The following PCDH15 variants were observed in gnomAD, a reference collection of about 807,000 sequenced individuals.
The protein encoded by PCDH15 is protocadherin-15.
PCDH15 carries 129 observed loss-of-function variants against 178.5 expected under a neutral mutation model. That is an observed-to-expected ratio of 0.72 (90% CI 0.63 to 0.84). PCDH15 has a LOEUF of 0.84. Among genes scored for constraint, PCDH15 ranks in the 40% least tolerant of loss-of-function variants. The pLI is 0.00. For missense variants in PCDH15, 2,230 were observed against 2,099.9 expected, an observed-to-expected ratio of 1.06 and a Z score of -1.21; for synonymous variants, 800 against 732.0, an observed-to-expected ratio of 1.09 and a Z score of -1.50.
chr10:54,825,701 G>A (rs529204820), intron 3 of PCDH15, among the ~76,000 whole-genome samples: 22 of 151,986 alleles, frequency 1.4e-4, no homozygotes, highest in Non-Finnish European at 2.4e-4. Context: ...CATGTCCTTC[G>A]CCCATTTTTG....
intron 8 of PCDH15, among the ~76,000 whole-genome samples, chr10:54,259,095 T>TC (rs879880121): frequency 0.034 from 5,112 of 152,262 alleles, 214 homozygotes; most frequent in African/African-American, 0.097. Context: ...GATAGTGACC[T>TC]AAATTACTTT....
At chr10:54,581,834 T>C (rs2091074227) in intron 2 of PCDH15, among the ~76,000 whole-genome samples, 1 of 151,934 alleles carries the variant, frequency 6.6e-6, no homozygotes, top group African/African-American at 2.4e-5. Flanking sequence ...ATGTTCAATA[T>C]ATGGTACTCA....
chr10:54,421,690 A>ATATATATATATATATATATG (rs1301759947), intron 3 of PCDH15, among the ~76,000 whole-genome samples: 18 of 110,930 alleles, frequency 1.6e-4, no homozygotes, highest in African/African-American at 3.7e-4. Flanking sequence ...ATATATATAT[A>ATATATATATATATATATATG]TATACACACA....
intron 6 of PCDH15, among the ~76,000 whole-genome samples, chr10:54,342,797 C>T (rs934644254): frequency 6.6e-6 from 1 of 152,118 alleles, no homozygotes; most frequent in African/African-American, 2.4e-5. Context: ...ATTAATGTGC[C>T]CTGGATGTGA....
intron 8 of PCDH15, among the ~76,000 whole-genome samples, chr10:54,271,419 A>G (rs2058042780): frequency 6.6e-6 from 1 of 152,014 alleles, no homozygotes; most frequent in African/African-American, 2.4e-5. Flanking sequence ...CAAATTGGCG[A>G]GGCTGGTTTC....
chr10:53,871,155 A>T (rs1453880272), intron 26 of PCDH15, among the ~76,000 whole-genome samples: 8 of 146,608 alleles, frequency 5.5e-5, no homozygotes, highest in Admixed American at 2.9e-4. Context: ...AACGCAGTGA[A>T]ACCCCGTCTC....
chr10:54,136,021 G>A (rs2042873528), intron 14 of PCDH15, among the ~76,000 whole-genome samples: 2 of 152,072 alleles, frequency 1.3e-5, no homozygotes, highest in African/African-American at 4.8e-5. Context: ...TATGAATAGT[G>A]CAAACGATCT....
chr10:55,535,321 T>C (rs1382097838), intron 2 of PCDH15, among the ~76,000 whole-genome samples: 2 of 152,094 alleles, frequency 1.3e-5, no homozygotes, highest in South Asian at 4.1e-4. Flanking sequence ...TGTAAATTTA[T>C]AGAAATTTAA....
chr10:55,558,514 G>A (rs1456168266), intron 2 of PCDH15, among the ~76,000 whole-genome samples: 4 of 152,080 alleles, frequency 2.6e-5, no homozygotes, highest in Non-Finnish European at 5.9e-5. Context: ...TATTTTATAT[G>A]AAAGTAATTC....
chr10:54,202,868 C>A (rs940204084), intron 10 of PCDH15, among the ~76,000 whole-genome samples: 1 of 150,492 alleles, frequency 6.6e-6, no homozygotes, highest in Admixed American at 6.6e-5. Context: ...GATTCTCGTT[C>A]ATATGTTGAT....
intron 8 of PCDH15, among the ~76,000 whole-genome samples, chr10:54,304,102 T>A (rs1226305891): frequency 6.6e-6 from 1 of 152,108 alleles, no homozygotes; most frequent in Non-Finnish European, 1.5e-5. Flanking sequence ...ATACCAATCA[T>A]ATTTATTCTT....
intron 3 of PCDH15, among the ~76,000 whole-genome samples, chr10:54,421,247 T>C: frequency 6.6e-6 from 1 of 151,484 alleles, no homozygotes; most frequent in Non-Finnish European, 1.5e-5. Context: ...AGCTAAAATG[T>C]CATGAAATGA....
intron 3 of PCDH15, among the ~76,000 whole-genome samples, chr10:54,435,418 C>T (rs2075315376): frequency 6.6e-6 from 1 of 152,182 alleles, no homozygotes; most frequent in African/African-American, 2.4e-5. Flanking sequence ...CATGCTGGGG[C>T]CTTCTCAATA....
chr10:54,121,961 G>A (rs958596975), intron 15 of PCDH15, among the ~76,000 whole-genome samples: 8 of 149,012 alleles, frequency 5.4e-5, no homozygotes, highest in Non-Finnish European at 8.9e-5. Context: ...CTGATTCTAT[G>A]AAGCCAGCAT....
chr10:55,170,597 T>C (rs1413476593), intron 1 of PCDH15, among the ~76,000 whole-genome samples: 1 of 152,096 alleles, frequency 6.6e-6, no homozygotes, highest in African/African-American at 2.4e-5. Context: ...GAAAGCATAA[T>C]TGATGGCCGA....
intron 2 of PCDH15, among the ~76,000 whole-genome samples, chr10:54,929,925 T>C (rs1035490467): frequency 6.6e-6 from 1 of 152,200 alleles, no homozygotes; most frequent in African/African-American, 2.4e-5. Context: ...AGCAGATAGA[T>C]AGGATAAGGA....
chr10:55,245,055 T>A (rs1306309178), intron 1 of PCDH15, among the ~76,000 whole-genome samples: 1 of 152,078 alleles, frequency 6.6e-6, no homozygotes, highest in Non-Finnish European at 1.5e-5. Flanking sequence ...AAGTTACTCA[T>A]GCAAAAGTTG....
chr10:54,986,196 A>C (rs1255535086), intron 2 of PCDH15, among the ~76,000 whole-genome samples: 1 of 152,128 alleles, frequency 6.6e-6, no homozygotes, highest in Non-Finnish European at 1.5e-5. Flanking sequence ...GGAAGTGTTA[A>C]GGGAGAGGCT....
chr10:54,999,026 T>G (rs1051860631), intron 2 of PCDH15, among the ~76,000 whole-genome samples: 1 of 151,632 alleles, frequency 6.6e-6, no homozygotes, highest in African/African-American at 2.4e-5. Context: ...TCTTAGTTTT[T>G]ATGTATATAT....
Sources: allele counts gnomAD v4.1 joint callset (sites outside exome capture counted in the v4.1 genomes callset), GRCh38; gene constraint gnomAD v4.1.1; transcripts MANE v1.5; gene names NCBI Gene and HGNC (gene_info 2026-07-23, HGNC 2026-07-21).